HSD17B2: variants seen among roughly 807,000 people sequenced by gnomAD.
The protein encoded by HSD17B2 is 17-beta-hydroxysteroid dehydrogenase type 2.
HSD17B2 carries 32 observed loss-of-function variants against 26.9 expected under a neutral mutation model. That is an observed-to-expected ratio of 1.19 (90% CI 0.90 to 1.60). HSD17B2 has a LOEUF of 1.60. Among genes scored for constraint, HSD17B2 ranks in the 40% most tolerant of loss-of-function variants. The probability of loss-of-function intolerance (pLI) is 0.00; values close to 1 mark genes in which losing one functional copy is unlikely to be tolerated. For missense variants in HSD17B2, 613 were observed against 468.6 expected (o/e 1.31, Z -2.85); for synonymous variants, 246 against 186.7 (o/e 1.32, Z -2.59).
chr16:82,071,652 T>C (rs1914701182), intron 3 of HSD17B2: 1 of 191,680 alleles, frequency 5.2e-6, no homozygotes, highest in Non-Finnish European at 1.1e-5. Context: ...AGTTTGTCTC[T>C]CTCTGTTTCC....
intron 3 of HSD17B2, among the ~76,000 whole-genome samples, chr16:82,087,304 G>A (rs1904555768): frequency 6.6e-6 from 1 of 152,054 alleles, no homozygotes. Flanking sequence ...TTTACCTTGA[G>A]AAAATTAAAA....
At chr16:82,074,903 T>C (rs1241332147) in intron 3 of HSD17B2, among the ~76,000 whole-genome samples, 1 of 152,238 alleles carries the variant, frequency 6.6e-6, no homozygotes, top group African/African-American at 2.4e-5. Context: ...ATATGCATTC[T>C]TCTCCTGAGC....
At chr16:82,093,600 G>C (rs1235463754) in intron 4 of HSD17B2, 2 of 152,170 alleles carry the variant, frequency 1.3e-5, no homozygotes, top group Non-Finnish European at 2.9e-5. Flanking sequence ...ATTTTCCCAT[G>C]ACACATGCTG....
chr16:82,050,217 C>G, intron 1 of HSD17B2, among the ~76,000 whole-genome samples: 1 of 152,192 alleles, frequency 6.6e-6, no homozygotes. Context: ...TGGGACCCTT[C>G]CCTACCTGGC....
chr16:82,089,870 C>T (rs1033297097), intron 3 of HSD17B2, among the ~76,000 whole-genome samples: 1 of 152,110 alleles, frequency 6.6e-6, no homozygotes, highest in Non-Finnish European at 1.5e-5. Flanking sequence ...CCTAGAGATC[C>T]TTGCCTCAGT....
chr16:82,062,066 T>C (rs923592417), intron 1 of HSD17B2, among the ~76,000 whole-genome samples: 5 of 152,224 alleles, frequency 3.3e-5, no homozygotes, highest in Non-Finnish European at 7.3e-5. Flanking sequence ...CACCAGCTAA[T>C]ATGGTGCCCC....
In HSD17B2 at chr16:82,035,579, T is replaced by C; in HGVS notation, c.155T>C (p.Leu52Pro). ...CTCTGTGCAGTCTGCCTGCTCATCC[T>C]GTCCCCTTTTTGGGGCTTGATCCTC... Reference protein sequence around the residue: ...AGLCAVCLLILSPFWGLILFS... With the variant: ...AGLCAVCLLIPSPFWGLILFS... Residue 52 changes from leucine to proline, a missense_variant, in exon 1 of 5, where the codon CTG becomes CCG. Coordinates refer to ENST00000199936, the MANE Select transcript of HSD17B2 (RefSeq NM_002153.3). The C allele has an allele frequency of 1.9e-6, 3 of 1,614,096 alleles. No homozygotes were observed. The highest frequency in any genetic ancestry group is 2.5e-6 in the Non-Finnish European group (3 of 1,180,044).
At chr16:82,072,964 C>T (rs1914730768) in intron 3 of HSD17B2, among the ~76,000 whole-genome samples, 1 of 152,120 alleles carries the variant, frequency 6.6e-6, no homozygotes, top group Non-Finnish European at 1.5e-5. Context: ...ACTCAGGAGG[C>T]TGAGGTGAAT....
At chr16:82,082,500 C>G (rs35094236) in intron 3 of HSD17B2, among the ~76,000 whole-genome samples, 6 of 152,218 alleles carry the variant, frequency 3.9e-5, no homozygotes, top group African/African-American at 1.2e-4. Flanking sequence ...ATGAATAATG[C>G]TTCTCTGAAT....
intron 1 of HSD17B2, among the ~76,000 whole-genome samples, chr16:82,048,450 G>C (rs1914003967): frequency 6.6e-6 from 1 of 152,176 alleles, no homozygotes; most frequent in Non-Finnish European, 1.5e-5. Flanking sequence ...GATGATGTTA[G>C]TGAGCAACTC....
intron 1 of HSD17B2, among the ~76,000 whole-genome samples, chr16:82,065,543 CA>C (rs1914551196): frequency 6.6e-6 from 1 of 152,232 alleles, no homozygotes; most frequent in East Asian, 1.9e-4. Flanking sequence ...TGGTACCTCA[CA>C]AAATGGGAAA....
At chr16:82,087,490 A>G (rs1213679265) in intron 3 of HSD17B2, among the ~76,000 whole-genome samples, 1 of 152,202 alleles carries the variant, frequency 6.6e-6, no homozygotes. Flanking sequence ...GAACCATACA[A>G]TACTGCCATT....
rs1414692612 is a variant in HSD17B2, at chr16:82,068,103, C to T, written c.266-67C>T. 4.5e-6 allele frequency: 6 copies of T among 1,333,658 alleles called. No homozygotes were observed. The African/African-American group carries it at 7.2e-5, about 16-fold the overall frequency. The allele number at this position is 1,333,658 out of a possible 1,614,324, so 82.6% of individuals were successfully genotyped here. A position where few individuals can be genotyped will look rare whatever the true frequency, so the allele number is the denominator to read the frequency against. On this transcript the variant is annotated intron_variant, in intron 1 of 4. Coordinates refer to ENST00000199936, the MANE Select transcript of HSD17B2 (RefSeq NM_002153.3). ...AATCGTAAACAACGTAATATGTTTT[C>T]CTTGTTAAATATTTTCTCCTGTCAC...
At chr16:82,058,225 C>G (rs1914331757) in intron 1 of HSD17B2, among the ~76,000 whole-genome samples, 1 of 152,094 alleles carries the variant, frequency 6.6e-6, no homozygotes, top group Admixed American at 6.5e-5. Flanking sequence ...CGTATGCCAG[C>G]ACACCTGGCT....
At chr16:82,094,382 A>T (rs1904778609) in intron 4 of HSD17B2, 1 of 152,168 alleles carries the variant, frequency 6.6e-6, no homozygotes, top group South Asian at 2.1e-4. Context: ...TACTCCAATC[A>T]CCACAACTCT....
rs1162689435 is a variant in HSD17B2, at chr16:82,068,316, G to T, written c.412G>T (p.Asp138Tyr). Residue 138 changes from aspartate to tyrosine, a missense_variant, in exon 2 of 5, where the codon GAC (aspartate) becomes TAC (tyrosine). By Grantham distance (160) the Asp-to-Tyr change is radical (BLOSUM62 -3). Coordinates refer to ENST00000199936, the MANE Select transcript of HSD17B2 (RefSeq NM_002153.3). ...TCCGCGCCTCTCGGTGCTCCAAATGGACATCACGAAGCCAGTGCAGATAAA... is the reference window on the plus strand; with the variant it reads ...TCCGCGCCTCTCGGTGCTCCAAATGTACATCACGAAGCCAGTGCAGATAAA... The part of the protein sequence containing the change: ...CSPRLSVLQM[D>Y]ITKPVQIKDA... The T allele has an allele frequency of 6.2e-7, 1 of 1,613,958 alleles. No individual in the cohort carries two copies. Among genetic ancestry groups the T allele is most frequent in the African/African-American group, 1.3e-5 (1 of 74,920 alleles).
At chr16:82,041,642 ACTTT>A (rs1360966428) in intron 1 of HSD17B2, among the ~76,000 whole-genome samples, 1 of 152,146 alleles carries the variant, frequency 6.6e-6, no homozygotes, top group African/African-American at 2.4e-5. Flanking sequence ...TGCCGACCAT[ACTTT>A]CTTTCTTTTC....
At chr16:82,058,000 T>TTTG (rs1914323287) in intron 1 of HSD17B2, among the ~76,000 whole-genome samples, 1 of 151,896 alleles carries the variant, frequency 6.6e-6, no homozygotes, top group Non-Finnish European at 1.5e-5. Context: ...AATAATAATG[T>TTTG]ATCAATATTG....
At chr16:82,044,238 G>A (rs1365820597) in intron 1 of HSD17B2, 1 of 152,114 alleles carries the variant, frequency 6.6e-6, no homozygotes, top group Non-Finnish European at 1.5e-5. Flanking sequence ...AACAGATGCA[G>A]GGTTCTTCAC....
Sources: gnomAD v4.1 joint callset for allele counts (sites outside exome capture counted in the v4.1 genomes callset) on GRCh38, gnomAD v4.1.1 for gene constraint, MANE v1.5 for transcripts, NCBI Gene and HGNC (gene_info 2026-07-23, HGNC 2026-07-21) for gene names.